Variants in ERICH1 observed in about 807,000 individuals in gnomAD.
ERICH1 encodes glutamate rich 1.
A neutral mutation model predicts 39.6 loss-of-function variants in ERICH1; 56 were observed. The ratio of observed to expected loss-of-function variants is 1.41; its 90% confidence interval spans 1.14 to 1.77. The LOEUF (loss-of-function observed/expected upper bound fraction) is 1.77. ERICH1 is among the 40% of genes most tolerant of loss of function. The pLI is 0.00. For synonymous variants in ERICH1, 313 were observed against 223.6 expected, an observed-to-expected ratio of 1.40 and a Z score of -3.57; for missense variants, 826 against 575.4, an observed-to-expected ratio of 1.44 and a Z score of -4.45.
At chr8:664,735 GTTA>G in intron 5 of ERICH1, 59 bp from the exon 6 acceptor site, 4 of 1,431,010 alleles carry the variant, frequency 2.8e-6, no homozygotes, top group South Asian at 2.4e-5. Context: ...AAAATCATAA[GTTA>G]TTATTATGTA....
chr8:706,325 CACAG>C (rs1365409012), intron 2 of ERICH1, among the ~76,000 whole-genome samples: 3 of 152,186 alleles, frequency 2.0e-5, no homozygotes, highest in Non-Finnish European at 4.4e-5. Flanking sequence ...CTTGCATTTT[CACAG>C]ACAAACACTG....
intron 1 of ERICH1, among the ~76,000 whole-genome samples, chr8:722,748 A>G (rs1394673180): frequency 1.3e-5 from 2 of 152,228 alleles, no homozygotes; most frequent in Non-Finnish European, 2.9e-5. Context: ...GAAAAGTGTG[A>G]CTTTCAGAGA....
At chr8:642,827 G>A (rs185621158) in intron 3 of ERICH1, among the ~76,000 whole-genome samples, 1 of 152,116 alleles carries the variant, frequency 6.6e-6, no homozygotes. Context: ...CTACAGGACT[G>A]GGGGCTGGAA....
At chr8:662,864 G>A (rs1801636808), downstream of ERICH1, among the ~76,000 whole-genome samples, 1 of 151,942 alleles carries the variant, frequency 6.6e-6, no homozygotes, top group South Asian at 2.1e-4. Flanking sequence ...TAGGGGAAGA[G>A]AAGGGAGGGC....
At chr8:651,857 A>T (rs760626349) in intron 3 of ERICH1, among the ~76,000 whole-genome samples, 2 of 152,234 alleles carry the variant, frequency 1.3e-5, no homozygotes, top group Admixed American at 6.5e-5. Context: ...TGACTTCAGC[A>T]GTTCCCCCTT....
At chr8:636,540 C>T (rs184729745) in intron 3 of ERICH1, among the ~76,000 whole-genome samples, 4 of 152,258 alleles carry the variant, frequency 2.6e-5, no homozygotes, top group Non-Finnish European at 5.9e-5. Flanking sequence ...AGTCTCCTCA[C>T]GGACGGAGGC....
intron 4 of ERICH1, 114 bp downstream of exon 4, chr8:673,175 T>C: frequency 7.8e-7 from 1 of 1,276,012 alleles, no homozygotes; most frequent in East Asian, 2.6e-5. Context: ...CAACTAATTA[T>C]TTTACATTGA....
At chr8:719,565 G>A (rs1473270671) in intron 1 of ERICH1, among the ~76,000 whole-genome samples, 4 of 152,192 alleles carry the variant, frequency 2.6e-5, no homozygotes, top group Non-Finnish European at 5.9e-5. Flanking sequence ...CAAACACTGT[G>A]GAGGAGACAC....
intron 3 of ERICH1, among the ~76,000 whole-genome samples, chr8:684,049 T>G (rs1203111835): frequency 6.6e-6 from 1 of 152,238 alleles, no homozygotes; most frequent in Non-Finnish European, 1.5e-5. Context: ...AGTGGAAAAG[T>G]AGTTAGTGTC....
At chr8:655,632 C>G (rs547062170) in intron 3 of ERICH1, among the ~76,000 whole-genome samples, 4 of 151,768 alleles carry the variant, frequency 2.6e-5, no homozygotes, top group Non-Finnish European at 5.9e-5. Flanking sequence ...CTTGCTCACT[C>G]CTTATCTGTA....
Position 641,710 on chromosome 8 carries a change from G to A in ERICH1, c.977-26426C>T, listed in dbSNP as rs143445061. Among the ~76,000 whole-genome samples the A allele has an allele frequency of 1.5e-3, 224 of 152,290 alleles. 4 individuals are homozygous for A. The East Asian group carries it at 0.037, about 25-fold the overall frequency. ...GTACGCTGGCAGCGGAGCTCCTCCCGGAGGACCCCTCCCCCTCCCCGCCGA... is the reference window on the plus strand; with the variant it reads ...GTACGCTGGCAGCGGAGCTCCTCCCAGAGGACCCCTCCCCCTCCCCGCCGA... On this transcript the variant is annotated intron_variant, in intron 3 of 3. Coordinates refer to the ERICH1 transcript ENST00000522706.
intron 3 of ERICH1, among the ~76,000 whole-genome samples, chr8:633,562 A>C (rs1169984515): frequency 6.6e-6 from 1 of 152,212 alleles, no homozygotes; most frequent in Admixed American, 6.5e-5. Context: ...TGGAATCTCA[A>C]GGGTTCCTGA....
intron 1 of ERICH1, among the ~76,000 whole-genome samples, chr8:723,783 G>A (rs1374093767): frequency 1.3e-5 from 2 of 152,078 alleles, no homozygotes; most frequent in African/African-American, 2.4e-5. Flanking sequence ...TGCTGGCCCA[G>A]CCACAGCTTT....
At chr8:632,851 G>C (rs913717836) in intron 3 of ERICH1, among the ~76,000 whole-genome samples, 2 of 152,308 alleles carry the variant, frequency 1.3e-5, no homozygotes, top group East Asian at 3.9e-4. Context: ...TGGGGGTGTC[G>C]TTGTCATCTG....
At chr8:695,551 CTCT>C (rs1373631668) in intron 2 of ERICH1, among the ~76,000 whole-genome samples, 64 of 122,064 alleles carry the variant, frequency 5.2e-4, no homozygotes, top group Admixed American at 5.2e-3. Context: ...CCCTCCACTC[CTCT>C]CCTTCCTCCC....
intron 2 of ERICH1, among the ~76,000 whole-genome samples, chr8:713,669 G>C (rs1563333379): frequency 6.6e-6 from 1 of 152,160 alleles, no homozygotes; most frequent in African/African-American, 2.4e-5. Flanking sequence ...TGTGTTCAGA[G>C]TCAATGGAGA....
At chr8:636,308 T>C (rs1024385932) in intron 3 of ERICH1, among the ~76,000 whole-genome samples, 1 of 152,204 alleles carries the variant, frequency 6.6e-6, no homozygotes, top group African/African-American at 2.4e-5. Context: ...GGGAACTAGG[T>C]GCAGCCACAA....
At chr8:628,520 G>T (rs955596036) in intron 3 of ERICH1, among the ~76,000 whole-genome samples, 2 of 152,222 alleles carry the variant, frequency 1.3e-5, no homozygotes. Context: ...TGGCCAGGCC[G>T]ATCAGGGTGA....
At chr8:617,056 C>T (rs1346807231) in intron 3 of ERICH1, among the ~76,000 whole-genome samples, 3 of 151,954 alleles carry the variant, frequency 2.0e-5, no homozygotes, top group Non-Finnish European at 1.5e-5. Context: ...AATTCCGGTT[C>T]CCACTTTGAC....
Sources: gnomAD v4.1 joint callset for allele counts (sites outside exome capture counted in the v4.1 genomes callset) on GRCh38, gnomAD v4.1.1 for gene constraint, MANE v1.5 for transcripts, NCBI Gene and HGNC (gene_info 2026-07-23, HGNC 2026-07-21) for gene names.